The following PRELID3A variants were observed in gnomAD, a reference collection of about 807,000 sequenced individuals.
PRELID3A encodes the protein PRELI domain containing protein 3A.
PRELID3A carries 27 observed loss-of-function variants against 23.0 expected under a neutral mutation model. The observed-to-expected ratio is 1.17, with a 90% CI of 0.87 to 1.62. The LOEUF (loss-of-function observed/expected upper bound fraction) is 1.62. PRELID3A is among the 40% of genes most tolerant of loss of function. The pLI, the probability that PRELID3A is intolerant of heterozygous loss-of-function variation, is 0.00. For synonymous variants in PRELID3A, 87 were observed against 86.4 expected, an observed-to-expected ratio of 1.01 and a Z score of -0.04; for missense variants, 231 against 231.4, an observed-to-expected ratio of 1.00 and a Z score of 0.01.
At chr18:12,429,554 G>A in intron 6 of PRELID3A, 118 bp downstream of exon 6, 1 of 612,088 alleles carries the variant, frequency 1.6e-6, no homozygotes, top group Non-Finnish European at 2.9e-6. Flanking sequence ...CTCCAGCCCG[G>A]AGCTCCTTAG....
At chr18:12,427,699 A>T (rs138629621) in intron 5 of PRELID3A, among the ~76,000 whole-genome samples, 1,791 of 151,818 alleles carry the variant, frequency 0.012, 37 homozygotes, top group African/African-American at 0.041. Context: ...CTTAAAAAAA[A>T]AAATAAAAAT....
At chr18:12,423,977 C>T (rs2030277609) in intron 3 of PRELID3A, among the ~76,000 whole-genome samples, 1 of 152,192 alleles carries the variant, frequency 6.6e-6, no homozygotes, top group African/African-American at 2.4e-5. Context: ...GAGCACCTTC[C>T]GTAGAAGGCA....
At chr18:12,421,175 G>T in intron 2 of PRELID3A, 1 of 231,652 alleles carries the variant, frequency 4.3e-6, no homozygotes, top group Non-Finnish European at 8.4e-6. Flanking sequence ...GCAGGGGCCT[G>T]CACCTGCTGC....
chr18:12,429,276 G>T, intron 5 of PRELID3A, 74 bp from the exon 6 acceptor site: 2 of 1,307,994 alleles, frequency 1.5e-6, no homozygotes, highest in Non-Finnish European at 1.1e-6. Flanking sequence ...AGTTTAGCCT[G>T]TGGACTTGTC....
rs112501074 is a variant in PRELID3A, at chr18:12,429,993, C to T, written c.*33+557C>T. Among the ~76,000 whole-genome samples, 1,133 of 152,372 alleles carry T rather than the reference C, an allele frequency of 7.4e-3. 8 individuals carry two copies. The highest frequency in any genetic ancestry group is 0.019 in the African/African-American group (786 of 41,590). On this transcript the variant is annotated intron_variant, in intron 6 of 6. Transcript: ENST00000440960. ...TGGACTTCTAGTGGCCCTGCCCCGACGGCCAGCGGCCACCAGGGCCTGATC... is the reference window on the plus strand; with the variant it reads ...TGGACTTCTAGTGGCCCTGCCCCGATGGCCAGCGGCCACCAGGGCCTGATC...
intron 1 of PRELID3A, among the ~76,000 whole-genome samples, chr18:12,418,535 T>C (rs887657767): frequency 1.3e-5 from 2 of 152,240 alleles, no homozygotes; most frequent in Non-Finnish European, 2.9e-5. Context: ...GGTGCATAGG[T>C]GTGTGCACAC....
At chr18:12,410,576 T>A (rs1909874980) in intron 1 of PRELID3A, 1 of 152,214 alleles carries the variant, frequency 6.6e-6, no homozygotes, top group Non-Finnish European at 1.5e-5. Flanking sequence ...CCTTGTTTCG[T>A]CCATTGAAAC....
At chr18:12,420,142 C>A in intron 1 of PRELID3A, 183 bp from the exon 2 acceptor site, 2 of 1,426,542 alleles carry the variant, frequency 1.4e-6, no homozygotes, top group Non-Finnish European at 1.8e-6. Context: ...GGTGCCGAGG[C>A]GTGCAGGTGC....
intron 1 of PRELID3A, among the ~76,000 whole-genome samples, chr18:12,411,847 A>G (rs894325763): frequency 1.3e-5 from 2 of 151,804 alleles, no homozygotes; most frequent in South Asian, 2.1e-4. Context: ...GAGGGGGTCT[A>G]TATTCCAGAG....
chr18:12,420,468 G>C lies in PRELID3A; in HGVS notation c.176G>C (p.Trp59Ser), dbSNP rs749517213. ...AGCTTGCGCCTGCTCAGCACCGAGTGGGGGCTGCCCAGCCTCGTGAGAGCG... is the reference window on the plus strand; with the variant it reads ...AGCTTGCGCCTGCTCAGCACCGAGTCGGGGCTGCCCAGCCTCGTGAGAGCG... The part of the protein sequence containing the change: ...LHSLRLLSTE[W>S]GLPSLVRAIL... The change falls in exon 2 of 7, where the codon TGG becomes TCG. Residue 59 changes from tryptophan (W) to serine (S), a missense_variant. Physicochemically the swap from Trp to Ser is radical, Grantham distance 177. Coordinates refer to ENST00000440960, the MANE Select transcript of PRELID3A (RefSeq NM_001142405.2). The C allele has an allele frequency of 7.1e-6, 11 of 1,558,596 alleles. No homozygotes were observed. The South Asian group carries it at 7.1e-5, about 10-fold the overall frequency.
At chr18:12,429,806 ATC>A (rs1277583727) in intron 6 of PRELID3A, among the ~76,000 whole-genome samples, 1 of 152,230 alleles carries the variant, frequency 6.6e-6, no homozygotes. Context: ...GTGCATCTGC[ATC>A]TGCTGCTGTG....
chr18:12,420,584 G>T, intron 2 of PRELID3A, 91 bp downstream of exon 2: 5 of 1,287,656 alleles, frequency 3.9e-6, no homozygotes, highest in Non-Finnish European at 5.1e-6. Flanking sequence ...CCTCATCAGT[G>T]CCTCTGCTGC....
At chr18:12,413,874 G>A (rs1037587448) in intron 1 of PRELID3A, among the ~76,000 whole-genome samples, 1 of 152,200 alleles carries the variant, frequency 6.6e-6, no homozygotes, top group Admixed American at 6.5e-5. Flanking sequence ...GTGAGCCACC[G>A]TGCCTGGCCA....
intron 6 of PRELID3A, among the ~76,000 whole-genome samples, chr18:12,430,124 G>C (rs889699631): frequency 6.6e-6 from 1 of 152,178 alleles, no homozygotes; most frequent in African/African-American, 2.4e-5. Flanking sequence ...TAAGAACTTC[G>C]TGCTGATTTT....
At chr18:12,425,524 G>C (rs1257589704) in intron 3 of PRELID3A, among the ~76,000 whole-genome samples, 118 of 151,592 alleles carry the variant, frequency 7.8e-4, no homozygotes, top group African/African-American at 2.7e-3. Context: ...CCCAGCTACT[G>C]GGGAGGCTGA....
At chr18:12,416,647 CTTT>C (rs33927481) in intron 1 of PRELID3A, among the ~76,000 whole-genome samples, 24 of 133,172 alleles carry the variant, frequency 1.8e-4, no homozygotes, top group African/African-American at 2.3e-4. Flanking sequence ...TTCTTTCTTT[CTTT>C]TTTTTTTTTT....
chr18:12,426,155 CTT>C (rs2030355777), intron 3 of PRELID3A, among the ~76,000 whole-genome samples: 2 of 151,000 alleles, frequency 1.3e-5, no homozygotes, highest in African/African-American at 4.9e-5. Flanking sequence ...AGGGGAATCA[CTT>C]CAACCTGGGA....
At chr18:12,413,556 G>A (rs985448456) in intron 1 of PRELID3A, among the ~76,000 whole-genome samples, 1 of 152,126 alleles carries the variant, frequency 6.6e-6, no homozygotes, top group African/African-American at 2.4e-5. Flanking sequence ...GCAGATACAA[G>A]TTTTCTGAAA....
chr18:12,409,778 A>G (rs998821948), intron 1 of PRELID3A, among the ~76,000 whole-genome samples: 1 of 152,020 alleles, frequency 6.6e-6, no homozygotes, highest in African/African-American at 2.4e-5. Flanking sequence ...GCTAGCTGTG[A>G]AAAATCACAG....
Sources: gnomAD v4.1 joint callset for allele counts (sites outside exome capture counted in the v4.1 genomes callset) on GRCh38, gnomAD v4.1.1 for gene constraint, MANE v1.5 for transcripts, NCBI Gene and HGNC (gene_info 2026-07-23, HGNC 2026-07-21) for gene names.